Variants in IL20RA observed in about 807,000 individuals in gnomAD.
IL20RA encodes interleukin 20 receptor subunit alpha, also known as interleukin-20 receptor subunit alpha.
Under a neutral mutation model 36.5 loss-of-function variants are expected in IL20RA, and 29 were observed. The ratio of observed to expected loss-of-function variants is 0.79; its 90% CI spans 0.59 to 1.08. IL20RA has a LOEUF of 1.08. Ranked by LOEUF, IL20RA falls within the 50% of genes least tolerant of loss-of-function variation. The pLI is 0.00. For missense variants in IL20RA, 652 were observed against 668.4 expected (o/e 0.98, Z 0.27); for synonymous variants, 279 against 267.1 (o/e 1.04, Z -0.43).
chr6:137,020,782 T>C (rs561294902), intron 1 of IL20RA, among the ~76,000 whole-genome samples: 4 of 152,322 alleles, frequency 2.6e-5, no homozygotes, highest in African/African-American at 9.6e-5. Flanking sequence ...AAAATGAATG[T>C]TATATTTTGT....
chr6:137,041,977 G>GA (rs1352599799), intron 1 of IL20RA, among the ~76,000 whole-genome samples: 2 of 148,598 alleles, frequency 1.3e-5, no homozygotes, highest in African/African-American at 4.9e-5. Flanking sequence ...CCCACCCCCC[G>GA]ACAGGCTCTG....
chr6:137,009,768 G>T (rs1436748794), intron 3 of IL20RA, among the ~76,000 whole-genome samples: 2 of 151,954 alleles, frequency 1.3e-5, no homozygotes, highest in Non-Finnish European at 2.9e-5. Flanking sequence ...AACACACCCA[G>T]CTAATTTTTG....
chr6:137,044,565 C>G, intron 1 of IL20RA, 76 bp downstream of exon 1: 1 of 1,201,332 alleles, frequency 8.3e-7, no homozygotes, highest in Non-Finnish European at 1.0e-6. Context: ...GGGGAGAGCT[C>G]GGCCTCGAGC....
chr6:137,014,465 A>G (rs1775604664), intron 2 of IL20RA, among the ~76,000 whole-genome samples: 1 of 152,184 alleles, frequency 6.6e-6, no homozygotes, highest in Non-Finnish European at 1.5e-5. Context: ...TAATAAAAGT[A>G]GTCAATTCAA....
In IL20RA at chr6:137,004,669, G is replaced by A. The variant is rs147771649; in HGVS notation, c.816C>T (p.Ser272=). The A allele has an allele frequency of 1.2e-6, 2 of 1,613,032 alleles. No individual in the cohort carries two copies. Among genetic ancestry groups the A allele is most frequent in the Non-Finnish European group, 1.7e-6 (2 of 1,179,744 alleles). The change falls in exon 6 of 7, where the codon TCC becomes TCT. Residue 272 remains serine, a synonymous_variant. Coordinates refer to ENST00000316649, the MANE Select transcript of IL20RA (RefSeq NM_014432.4). The part of the protein sequence containing the change: ...TVFLFSVMGY[S]IYRYIHVGKE... ...TGCCAACGTGGATATATCGGTAGAT[G>A]GAATAGCCCATCACAGAAAAAAGAA...
intron 1 of IL20RA, among the ~76,000 whole-genome samples, chr6:137,028,001 T>C (rs1431155249): frequency 3.3e-5 from 5 of 152,258 alleles, no homozygotes; most frequent in Non-Finnish European, 7.3e-5. Context: ...TCAAGTATTA[T>C]TCTTTTAAGC....
chr6:137,037,655 T>A (rs1346057733), intron 1 of IL20RA, among the ~76,000 whole-genome samples: 1 of 152,158 alleles, frequency 6.6e-6, no homozygotes, highest in African/African-American at 2.4e-5. Flanking sequence ...GTTTAGAATG[T>A]TGTAGACCAG....
intron 2 of IL20RA, among the ~76,000 whole-genome samples, chr6:137,012,359 G>A (rs1436566405): frequency 6.6e-6 from 1 of 152,202 alleles, no homozygotes; most frequent in African/African-American, 2.4e-5. Context: ...TAAGGATGCT[G>A]TCTCTTTCTG....
intron 6 of IL20RA, among the ~76,000 whole-genome samples, chr6:137,004,159 CTTTTTTTT>C (rs140038413): frequency 1.1e-5 from 1 of 88,016 alleles, no homozygotes; most frequent in African/African-American, 5.6e-5. Flanking sequence ...ATCCAGAAAG[CTTTTTTTT>C]TTTTTTTTTT....
chr6:137,005,665 T>C (rs1775253454), intron 5 of IL20RA, among the ~76,000 whole-genome samples: 1 of 150,276 alleles, frequency 6.7e-6, no homozygotes, highest in African/African-American at 2.5e-5. Flanking sequence ...GTTGTTGTTG[T>C]TTTTTTTAAT....
chr6:137,011,438 T>G lies in IL20RA; in HGVS notation c.239A>C (p.Lys80Thr). 1.2e-6 allele frequency: 2 copies of G among 1,612,626 alleles called. No individual in the cohort carries two copies. Among genetic ancestry groups the G allele is most frequent in the Non-Finnish European group, 8.5e-7 (1 of 1,179,108 alleles). The change falls in exon 3 of 7, where the codon AAA becomes ACA. Residue 80 changes from lysine (K) to threonine (T), a missense_variant. Lys to Thr is a moderately conservative substitution (Grantham distance 78, BLOSUM62 -1). Coordinates refer to ENST00000316649, the MANE Select transcript of IL20RA (RefSeq NM_014432.4). ...TVQYFIYGQK[K>T]WLNKSECRNI... ...TCTGCATTCTGATTTATTCAGCCAT[T>G]TCTTTTGCCCATATCTGCTAAGAAA...
chr6:137,011,581 G>T, intron 2 of IL20RA, 129 bp from the exon 3 acceptor site: 1 of 594,106 alleles, frequency 1.7e-6, no homozygotes, highest in Non-Finnish European at 2.7e-6. Context: ...GCCTGTCATT[G>T]AGATAAAAAA....
chr6:137,012,406 T>C (rs1374959101), intron 2 of IL20RA, among the ~76,000 whole-genome samples: 1 of 152,144 alleles, frequency 6.6e-6, no homozygotes, highest in African/African-American at 2.4e-5. Context: ...TGATATTTAC[T>C]ACGAAAAAGA....
chr6:137,026,183 A>AC (rs1228531612), intron 1 of IL20RA, among the ~76,000 whole-genome samples: 1 of 152,124 alleles, frequency 6.6e-6, no homozygotes, highest in East Asian at 1.9e-4. Flanking sequence ...CAGATGTCCT[A>AC]CCCCCTTTAG....
At chr6:137,004,334 T>C (rs1001154994) in intron 6 of IL20RA, among the ~76,000 whole-genome samples, 1 of 151,686 alleles carries the variant, frequency 6.6e-6, no homozygotes, top group Non-Finnish European at 1.5e-5. Flanking sequence ...CATTACCACA[T>C]CCAGCTAATT....
chr6:137,006,650 TC>T (rs1012015566), intron 5 of IL20RA, among the ~76,000 whole-genome samples: 12 of 152,252 alleles, frequency 7.9e-5, no homozygotes, highest in African/African-American at 2.6e-4. Flanking sequence ...GAAAGATATC[TC>T]TGGTGGTCTA....
chr6:137,008,105 C>T (rs1406424719), intron 5 of IL20RA, among the ~76,000 whole-genome samples: 1 of 152,018 alleles, frequency 6.6e-6, no homozygotes, highest in African/African-American at 2.4e-5. Context: ...GTAGCTAGGA[C>T]TACAGGCATG....
intron 1 of IL20RA, among the ~76,000 whole-genome samples, chr6:137,031,093 AT>A (rs1776263077): frequency 6.6e-6 from 1 of 152,240 alleles, no homozygotes; most frequent in Admixed American, 6.5e-5. Context: ...AGTAATAAAC[AT>A]TGCCACGAAT....
Position 137,001,629 on chromosome 6 carries a change from G to A in IL20RA, c.1591C>T (p.Pro531Ser), listed in dbSNP as rs777520741. ...LYEEPAPDRP[P>S]GENETYLMQF... The stretch of plus-strand genomic sequence containing the variant: ...ATGAGATAGGTTTCATTTTCTCCTG[G>A]TGGCCTGTCTGGAGCCGGCTCCTCA... The change falls in exon 7 of 7, where the codon CCA becomes TCA. Residue 531 changes from proline to serine, a missense_variant. By Grantham distance (74) the Pro-to-Ser change is moderately conservative. Coordinates refer to ENST00000316649, the MANE Select transcript of IL20RA (RefSeq NM_014432.4). 8 of 1,612,294 alleles carry A rather than the reference G, an allele frequency of 5.0e-6. No individual in the cohort carries two copies. The South Asian group carries it at 7.7e-5, about 16-fold the overall frequency.
Sources: gnomAD v4.1 joint callset for allele counts (sites outside exome capture counted in the v4.1 genomes callset) on GRCh38, gnomAD v4.1.1 for gene constraint, MANE v1.5 for transcripts, NCBI Gene and HGNC (gene_info 2026-07-23, HGNC 2026-07-21) for gene names.